Variants in SLAIN2 observed in about 807,000 individuals in gnomAD.
SLAIN2 encodes SLAIN motif-containing protein 2.
In SLAIN2, 31 loss-of-function variants were observed where a neutral mutation model predicts 56.6. The ratio of observed to expected loss-of-function variants is 0.55; its 90% confidence interval spans 0.41 to 0.74. The LOEUF (loss-of-function observed/expected upper bound fraction) is 0.74. Among genes scored for constraint, SLAIN2 ranks in the 30% least tolerant of loss-of-function variants. The probability of loss-of-function intolerance (pLI) is 0.00; values close to 1 mark genes in which losing one functional copy is unlikely to be tolerated. For missense variants in SLAIN2, 777 were observed against 754.2 expected, an observed-to-expected ratio of 1.03 and a Z score of -0.35; for synonymous variants, 317 against 284.9, an observed-to-expected ratio of 1.11 and a Z score of -1.13.
chr4:48,366,162 TG>T (rs1313808242), intron 1 of SLAIN2, among the ~76,000 whole-genome samples: 1 of 152,240 alleles, frequency 6.6e-6, no homozygotes. Flanking sequence ...AATTCCACTG[TG>T]GTCAGAAACC....
At chr4:48,384,435 A>G (rs187868136) in intron 6 of SLAIN2, among the ~76,000 whole-genome samples, 16 of 152,312 alleles carry the variant, frequency 1.1e-4, no homozygotes, top group African/African-American at 3.4e-4. Context: ...TTGAATCAAT[A>G]TGTATGCCAA....
Position 48,389,811 on chromosome 4 carries a change from A to G in SLAIN2, c.1360+6027A>G, listed in dbSNP as rs141953612. 8.1e-4 allele frequency among the ~76,000 whole-genome samples: 123 copies of G among 152,328 alleles called. 2 individuals are homozygous for G. The East Asian group carries it at 0.017, about 21-fold the overall frequency. ...CATCCCATGAGGGGATGATAGCTAT[A>G]GAGACAGGACAGGCTGTAGGAGTTT... is the stretch of plus-strand genomic sequence containing the variant. On this transcript the variant is annotated intron_variant, in intron 6 of 7. Transcript: ENST00000264313.
At chr4:48,382,124 A>G (rs910730014) in intron 4 of SLAIN2, among the ~76,000 whole-genome samples, 2 of 152,318 alleles carry the variant, frequency 1.3e-5, no homozygotes. Context: ...TATCATCTTC[A>G]TGAGTAAGAT....
At chr4:48,350,286 G>A (rs1714976456) in intron 1 of SLAIN2, among the ~76,000 whole-genome samples, 1 of 152,274 alleles carries the variant, frequency 6.6e-6, no homozygotes, top group Middle Eastern at 3.4e-3. Flanking sequence ...GATTGCCCAG[G>A]GAACCTGGTG....
chr4:48,383,773 A>G lies in SLAIN2; in HGVS notation c.1349A>G (p.Gln450Arg), dbSNP rs1716032541. The G allele has an allele frequency of 6.2e-7, 1 of 1,611,726 alleles. No individual in the cohort carries two copies. The highest frequency in any genetic ancestry group is 1.3e-5 in the African/African-American group (1 of 75,040). Residue 450 changes from glutamine (Q) to arginine (R), a missense_variant, in exon 6 of 8, where the codon CAG becomes CGG. Coordinates refer to ENST00000264313, the MANE Select transcript of SLAIN2 (RefSeq NM_020846.2). ...GGAGGAATACCTCGTATGCAACCTC[A>G]GGCTTCAGCCAGTAAGTATCCTTCT... ...PNGGIPRMQP[Q>R]ASAIPSPGKF...
chr4:48,342,711 C>CTTTTGTTTT (rs1714751299), intron 1 of SLAIN2, among the ~76,000 whole-genome samples: 1 of 65,938 alleles, frequency 1.5e-5, no homozygotes. Flanking sequence ...GATGGTGCTG[C>CTTTTGTTTT]TTTTTTTTTT....
At position 48,363,976 on chromosome 4, in the gene SLAIN2, A is replaced by AC. The variant is rs1332072766; in HGVS notation, c.390-5865dup. On this transcript the variant is annotated intron_variant, in intron 1 of 7. Coordinates refer to ENST00000264313, the MANE Select transcript of SLAIN2 (RefSeq NM_020846.2). ...GGGCGGCTGGCCGGGCAGGGGGCTG[A>AC]CCCCCCCCACCTCCCTCCCGGACGG... Among the ~76,000 whole-genome samples the AC allele has an allele frequency of 3.7e-4, 32 of 87,472 alleles. 1 individual carries two copies. Among genetic ancestry groups the AC allele is most frequent in the East Asian group, 2.4e-3 (7 of 2,952 alleles). 57.4% of individuals were successfully genotyped at this position (87,472 alleles called of 152,430 possible). A position where few individuals can be genotyped will look rare whatever the true frequency, so the allele number is the denominator to read the frequency against.
intron 2 of SLAIN2, among the ~76,000 whole-genome samples, chr4:48,377,636 G>A (rs1327273351): frequency 1.3e-5 from 2 of 152,156 alleles, no homozygotes; most frequent in Admixed American, 6.5e-5. Context: ...AGTGAATTAA[G>A]TGGCCAATAA....
At chr4:48,390,945 G>A (rs1217762272) in intron 6 of SLAIN2, among the ~76,000 whole-genome samples, 1 of 152,174 alleles carries the variant, frequency 6.6e-6, no homozygotes, top group African/African-American at 2.4e-5. Context: ...ATAAGGATAA[G>A]TTCAGCAGAG....
chr4:48,401,492 G>T (rs1716555701), intron 6 of SLAIN2, among the ~76,000 whole-genome samples: 3 of 152,138 alleles, frequency 2.0e-5, no homozygotes, highest in Non-Finnish European at 4.4e-5. Flanking sequence ...AGGATAGTTA[G>T]CTCTTCTTGT....
intron 5 of SLAIN2, among the ~76,000 whole-genome samples, chr4:48,383,207 A>G (rs950795330): frequency 3.3e-5 from 5 of 151,914 alleles, no homozygotes; most frequent in African/African-American, 4.8e-5. Context: ...GATTAAAAAA[A>G]GAGAAAAAGT....
At chr4:48,394,798 G>A (rs1716336303) in intron 6 of SLAIN2, 1 of 653,894 alleles carries the variant, frequency 1.5e-6, no homozygotes, top group African/African-American at 1.8e-5. Context: ...GATTTATTCT[G>A]TTATTTGGAT....
intron 6 of SLAIN2, among the ~76,000 whole-genome samples, chr4:48,387,650 G>A (rs1450123634): frequency 3.3e-5 from 5 of 151,812 alleles, no homozygotes; most frequent in Non-Finnish European, 7.4e-5. Flanking sequence ...TCTCAAAAAT[G>A]TATTTGGAAA....
chr4:48,409,756 C>T (rs1378922895), intron 6 of SLAIN2, among the ~76,000 whole-genome samples: 4 of 151,952 alleles, frequency 2.6e-5, no homozygotes, highest in South Asian at 4.2e-4. Context: ...TGGTGGTGGG[C>T]GCCTGTAACC....
At chr4:48,381,654 C>T (rs185064957) in intron 4 of SLAIN2, among the ~76,000 whole-genome samples, 2 of 152,256 alleles carry the variant, frequency 1.3e-5, no homozygotes, top group Non-Finnish European at 2.9e-5. Context: ...TTTAAAGATA[C>T]CCTAGGGTGA....
Position 48,420,435 on chromosome 4 carries a change from T to C in SLAIN2, c.1671T>C (p.Pro557=). 6.2e-7 allele frequency: 1 copy of C among 1,613,488 alleles called. No individual in the cohort carries two copies. Among genetic ancestry groups the C allele is most frequent in the South Asian group, 1.1e-5 (1 of 91,082 alleles). The change falls in exon 7 of 8, where the codon CCT becomes CCC. Residue 557 remains proline, a synonymous_variant. Coordinates refer to ENST00000264313, the MANE Select transcript of SLAIN2 (RefSeq NM_020846.2). ...IPVPRSKLAQ[P]VRRSLPAPKT... ...TGCCTCGCAGCAAACTTGCACAGCCTGTTCGCAGGTAAGTGGCAGATGTTC... is the reference window on the plus strand; with the variant it reads ...TGCCTCGCAGCAAACTTGCACAGCCCGTTCGCAGGTAAGTGGCAGATGTTC...
intron 1 of SLAIN2, among the ~76,000 whole-genome samples, chr4:48,365,053 C>T (rs1715475264): frequency 6.6e-6 from 1 of 151,932 alleles, no homozygotes; most frequent in Non-Finnish European, 1.5e-5. Context: ...TCATAATATT[C>T]GCTTATATTC....
At chr4:48,393,868 AT>A (rs1331384520) in intron 6 of SLAIN2, among the ~76,000 whole-genome samples, 1 of 152,086 alleles carries the variant, frequency 6.6e-6, no homozygotes, top group African/African-American at 2.4e-5. Context: ...CAGTTAATAG[AT>A]TAGGAGTTTG....
chr4:48,420,315 T>C lies in SLAIN2; in HGVS notation c.1551T>C (p.Asn517=). The change falls in exon 7 of 8, where the codon AAT becomes AAC. Residue 517 remains asparagine (N), a synonymous_variant. Coordinates refer to ENST00000264313, the MANE Select transcript of SLAIN2 (RefSeq NM_020846.2). ...QSTVSANPPS[N]INSATLTRPA... is the part of the protein sequence containing the mutation. ...CAGTCTCAGCAAATCCTCCCAGCAA[T>C]ATCAACAGCGCTACTCTAACCAGAC... The C allele has an allele frequency of 6.2e-7, 1 of 1,613,882 alleles. No homozygotes were observed. Among genetic ancestry groups the C allele is most frequent in the Non-Finnish European group, 8.5e-7 (1 of 1,179,870 alleles).
Sources: gnomAD v4.1 joint callset for allele counts (sites outside exome capture counted in the v4.1 genomes callset) on GRCh38, gnomAD v4.1.1 for gene constraint, MANE v1.5 for transcripts, NCBI Gene and HGNC (gene_info 2026-07-23, HGNC 2026-07-21) for gene names.